MXI1: variants seen among roughly 807,000 people sequenced by gnomAD.
The protein encoded by MXI1 is max-interacting protein 1.
A neutral mutation model predicts 36.9 loss-of-function variants in MXI1; 18 were observed. The observed-to-expected ratio is 0.49, with a 90% CI of 0.34 to 0.72. The LOEUF is 0.72. MXI1 is among the 30% of genes least tolerant of loss of function. The pLI is 0.01. For synonymous variants in MXI1, 160 were observed against 146.7 expected, an observed-to-expected ratio of 1.09 and a Z score of -0.65; for missense variants, 304 against 379.1, an observed-to-expected ratio of 0.80 and a Z score of 1.64.
At position 110,280,058 on chromosome 10, in the gene MXI1, T is replaced by G. The variant is rs781382898; in HGVS notation, c.697T>G (p.Ser233Ala). ...IRMDSIGSTISSDRSDSEREE... is the reference protein window; with the variant it reads ...IRMDSIGSTIASDRSDSEREE... The stretch of plus-strand genomic sequence containing the variant: ...AATGGACAGCATTGGATCAACTATT[T>G]CTTCAGATCGTTCTGATTCAGAGCG... Residue 233 changes from serine to alanine, a missense_variant, in exon 5 of 6, where the codon TCT becomes GCT. By Grantham distance (99) the Ser-to-Ala change is moderately conservative (BLOSUM62 1). Coordinates refer to ENST00000332674, the MANE Select transcript of MXI1 (RefSeq NM_130439.3). 5.2e-5 allele frequency: 83 copies of G among 1,595,492 alleles called. No homozygotes were observed. The highest frequency in any genetic ancestry group is 7.1e-5 in the Non-Finnish European group (83 of 1,169,502).
In MXI1 at chr10:110,228,334, G is replaced by C; in HGVS notation, c.407+13G>C. On this transcript the variant is annotated intron_variant, in intron 2 of 5. Coordinates refer to ENST00000332674, the MANE Select transcript of MXI1 (RefSeq NM_130439.3). The stretch of plus-strand genomic sequence containing the variant: ...GCACTGCCAACAGGTAGCAAGCTGG[G>C]AACGCTTAGAAGAGGGAACTGGAGG... 1 of 1,613,994 alleles carries C rather than the reference G, an allele frequency of 6.2e-7. No homozygotes were observed. Among genetic ancestry groups the C allele is most frequent in the Non-Finnish European group, 8.5e-7 (1 of 1,179,986 alleles).
intron 1 of MXI1, among the ~76,000 whole-genome samples, chr10:110,221,360 C>T (rs12264946): frequency 0.25 from 37,538 of 152,148 alleles, 5,871 homozygotes; most frequent in African/African-American, 0.45. Flanking sequence ...ATGACACAAA[C>T]TTCTATGACA....
chr10:110,269,680 C>G (rs1590396526), intron 3 of MXI1, among the ~76,000 whole-genome samples: 1 of 152,194 alleles, frequency 6.6e-6, no homozygotes, highest in Middle Eastern at 3.2e-3. Flanking sequence ...TCTCAGATCT[C>G]ACTTGCCAGC....
intron 1 of MXI1, among the ~76,000 whole-genome samples, chr10:110,220,056 G>A (rs1169361646): frequency 2.0e-5 from 3 of 152,212 alleles, no homozygotes; most frequent in Admixed American, 2.0e-4. Context: ...ATTGCCCTTG[G>A]TTGAGACCAT....
intron 2 of MXI1, among the ~76,000 whole-genome samples, 170 bp downstream of exon 2, chr10:110,228,491 A>C (rs952628367): frequency 6.6e-6 from 1 of 152,226 alleles, no homozygotes; most frequent in African/African-American, 2.4e-5. Flanking sequence ...TTTGCATGGA[A>C]GGAAAGGAAT....
At chr10:110,217,361 C>T (rs554165343) in intron 1 of MXI1, among the ~76,000 whole-genome samples, 1 of 152,154 alleles carries the variant, frequency 6.6e-6, no homozygotes, top group Admixed American at 6.5e-5. Context: ...TTGCCATTAG[C>T]AAGGATACTT....
At chr10:110,226,403 T>G (rs1427914811) in intron 1 of MXI1, 60 of 958,818 alleles carry the variant, frequency 6.3e-5, no homozygotes, top group Non-Finnish European at 7.4e-5. Context: ...TGTGCGCGCA[T>G]GTGAGGGGAG....
chr10:110,217,060 A>C (rs1284238459), intron 1 of MXI1, among the ~76,000 whole-genome samples: 1 of 152,018 alleles, frequency 6.6e-6, no homozygotes, highest in African/African-American at 2.4e-5. Context: ...TGTGTAAGCA[A>C]CCTTGTAAGT....
At chr10:110,235,687 C>CA (rs112009086) in intron 2 of MXI1, among the ~76,000 whole-genome samples, 12,401 of 133,430 alleles carry the variant, frequency 0.093, 1,035 homozygotes, top group East Asian at 0.29. Context: ...GACTCTGTCT[C>CA]AAAAAATAAA....
chr10:110,281,511 AAT>A (rs937358763), intron 5 of MXI1, among the ~76,000 whole-genome samples: 2 of 152,144 alleles, frequency 1.3e-5, no homozygotes, highest in African/African-American at 4.8e-5. Context: ...AATCTATAAT[AAT>A]TTTTTCTCTT....
chr10:110,249,888 C>A (rs1564716423), intron 3 of MXI1, among the ~76,000 whole-genome samples: 2 of 152,120 alleles, frequency 1.3e-5, no homozygotes, highest in African/African-American at 4.8e-5. Flanking sequence ...TTTTAAATTG[C>A]TGGTGAATGG....
chr10:110,226,277 G>T, intron 1 of MXI1: 1 of 1,497,680 alleles, frequency 6.7e-7, no homozygotes, highest in Non-Finnish European at 8.9e-7. Flanking sequence ...GGAGCGCCGG[G>T]AGCGAGGTAA....
intron 2 of MXI1, among the ~76,000 whole-genome samples, chr10:110,234,994 CAATT>C (rs1009365934): frequency 2.0e-5 from 3 of 152,082 alleles, no homozygotes; most frequent in Admixed American, 2.0e-4. Flanking sequence ...TTTAAAAAGT[CAATT>C]AATACTAAAT....
intron 3 of MXI1, among the ~76,000 whole-genome samples, chr10:110,261,518 A>G (rs567060855): frequency 1.3e-5 from 2 of 152,026 alleles, no homozygotes; most frequent in Middle Eastern, 3.4e-3. Flanking sequence ...GTTTACAGAC[A>G]GGACCTTAGT....
At chr10:110,267,510 C>T (rs1353245328) in intron 3 of MXI1, among the ~76,000 whole-genome samples, 1 of 152,130 alleles carries the variant, frequency 6.6e-6, no homozygotes, top group Non-Finnish European at 1.5e-5. Context: ...TCTTGATTCA[C>T]TTTATTCCAG....
rs148355787 is a variant in MXI1 at position 110,271,086 on chromosome 10, C to T, written c.438-8094C>T. 1.1e-3 allele frequency among the ~76,000 whole-genome samples: 155 copies of T among 138,950 alleles called. 1 individual carries two copies. Among genetic ancestry groups the T allele is most frequent in the African/African-American group, 4.4e-3 (148 of 33,894 alleles). 91.2% of individuals were successfully genotyped at this position (138,950 alleles called of 152,430 possible). A position where few individuals can be genotyped will look rare whatever the true frequency, so the allele number is the denominator to read the frequency against. ...CAGCTTGGGCAACAGAGTGAAACTA[C>T]GTCTCAAAAAAAAAAAAAAGTGTTG... On this transcript the variant is annotated intron_variant, in intron 3 of 5. Transcript: ENST00000332674.
At chr10:110,240,177 T>C (rs2134383407) in intron 2 of MXI1, among the ~76,000 whole-genome samples, 1 of 152,238 alleles carries the variant, frequency 6.6e-6, no homozygotes, top group African/African-American at 2.4e-5. Flanking sequence ...CTACTATTGA[T>C]GAATGCTTCC....
intron 2 of MXI1, among the ~76,000 whole-genome samples, chr10:110,241,923 A>G (rs966542026): frequency 6.6e-6 from 1 of 152,018 alleles, no homozygotes; most frequent in African/African-American, 2.4e-5. Flanking sequence ...GAAACTGTAA[A>G]CCAGCGAGGT....
intron 1 of MXI1, among the ~76,000 whole-genome samples, chr10:110,224,089 C>A (rs991397119): frequency 2.0e-5 from 3 of 152,022 alleles, no homozygotes; most frequent in African/African-American, 4.8e-5. Context: ...AGCATGAAGC[C>A]GATAACATTT....
Sources: allele counts gnomAD v4.1 joint callset (sites outside exome capture counted in the v4.1 genomes callset), GRCh38; gene constraint gnomAD v4.1.1; transcripts MANE v1.5; gene names NCBI Gene and HGNC (gene_info 2026-07-23, HGNC 2026-07-21).